The following FOCAD variants were observed in gnomAD, a reference collection of about 807,000 sequenced individuals.
The protein encoded by FOCAD is KIAA1797.
In FOCAD, 198 loss-of-function variants were observed where a neutral mutation model predicts 225.6. The observed-to-expected ratio is 0.88, with a 90% confidence interval of 0.78 to 0.99. The LOEUF (loss-of-function observed/expected upper bound fraction) is 0.99, where lower values mean the gene tolerates loss of function less well. Among genes scored for constraint, FOCAD ranks in the 50% least tolerant of loss-of-function variants. The pLI, the probability that FOCAD is intolerant of heterozygous loss-of-function variation, is 0.00. For synonymous variants in FOCAD, 897 were observed against 755.0 expected (o/e 1.19, Z -3.08); for missense variants, 2,713 against 2,123.6 (o/e 1.28, Z -5.46).
chr9:20,723,227 C>A (rs542964277), intron 4 of FOCAD, among the ~76,000 whole-genome samples: 58 of 152,314 alleles, frequency 3.8e-4, no homozygotes, highest in Non-Finnish European at 8.1e-4. Flanking sequence ...GTGACTCATG[C>A]CCGTAATCCC....
intron 1 of FOCAD, among the ~76,000 whole-genome samples, chr9:20,709,133 T>G (rs1824629632): frequency 6.6e-6 from 1 of 152,196 alleles, no homozygotes; most frequent in Non-Finnish European, 1.5e-5. Context: ...ATAGATTAAT[T>G]TTCTTGGAAG....
Position 20,862,713 on chromosome 9 carries a change from G to A in FOCAD, c.2055+1G>A. On this transcript the variant is annotated splice_donor_variant, in intron 16 of 43. Coordinates refer to ENST00000338382, the MANE Select transcript of FOCAD (RefSeq NM_001375567.1). LOFTEE classifies it high-confidence loss of function. ...AACGGTCAATACAACTGAATATGAGGTATGCATTTGGAGCTCAGCACATTG... is the reference window on the plus strand; with the variant it reads ...AACGGTCAATACAACTGAATATGAGATATGCATTTGGAGCTCAGCACATTG... The A allele has an allele frequency of 6.2e-7, 1 of 1,610,186 alleles. No individual in the cohort carries two copies. Among genetic ancestry groups the A allele is most frequent in the South Asian group, 1.1e-5 (1 of 90,230 alleles).
At chr9:20,697,487 C>G (rs746590323) in intron 1 of FOCAD, among the ~76,000 whole-genome samples, 1 of 152,252 alleles carries the variant, frequency 6.6e-6, no homozygotes, top group Non-Finnish European at 1.5e-5. Flanking sequence ...TGCTGACTTG[C>G]ACTAGCCAAC....
chr9:20,957,211 A>T (rs1838236903), intron 35 of FOCAD, among the ~76,000 whole-genome samples: 1 of 150,114 alleles, frequency 6.7e-6, no homozygotes, highest in Non-Finnish European at 1.5e-5. Flanking sequence ...GTGCAGGTAC[A>T]TACAACCAGG....
chr9:20,788,872 A>G (rs1179183167), intron 10 of FOCAD, among the ~76,000 whole-genome samples: 1 of 152,206 alleles, frequency 6.6e-6, no homozygotes, highest in East Asian at 1.9e-4. Context: ...CAGCTGAACC[A>G]ACTTTGTTCC....
chr9:20,989,250 G>C (rs891404392), intron 41 of FOCAD, among the ~76,000 whole-genome samples: 6 of 152,124 alleles, frequency 3.9e-5, no homozygotes, highest in Admixed American at 6.5e-5. Context: ...TTTAATTTGT[G>C]AGTTTAGGAA....
chr9:20,685,336 A>C (rs10117816), intron 1 of FOCAD, among the ~76,000 whole-genome samples: 1 of 152,028 alleles, frequency 6.6e-6, no homozygotes, highest in African/African-American at 2.4e-5. Flanking sequence ...GATTAGTATA[A>C]TTTTGAGATT....
intron 15 of FOCAD, among the ~76,000 whole-genome samples, chr9:20,841,370 C>T (rs1826510134): frequency 1.3e-5 from 2 of 150,936 alleles, no homozygotes; most frequent in African/African-American, 4.9e-5. Context: ...AGGCCATTTA[C>T]ATCAGTGAAG....
upstream of FOCAD, chr9:20,684,047 A>C (rs946031924): frequency 6.6e-6 from 1 of 152,288 alleles, no homozygotes; most frequent in South Asian, 2.1e-4. Context: ...CCCTCCCCGC[A>C]CCAGCTCGGC....
Position 20,866,917 on chromosome 9 carries a change from T to TTAA in FOCAD, c.2107-12_2107-11insTAA. The stretch of plus-strand genomic sequence containing the variant: ...TTTTTTTTTTTTTTTTTTTTTTTTT[T>TTAA]ACCCTATCTAGGACCCAATTGTAGC... On this transcript the variant is annotated splice_polypyrimidine_tract_variant and intron_variant, in intron 17 of 43. Coordinates refer to ENST00000338382, the MANE Select transcript of FOCAD (RefSeq NM_001375567.1). 6 of 764,960 alleles carry TTAA rather than the reference T, an allele frequency of 7.8e-6. No homozygotes were observed. The highest frequency in any genetic ancestry group is 1.2e-5 in the Non-Finnish European group (6 of 498,458). 47.4% of individuals were successfully genotyped at this position (764,960 alleles called of 1,614,324 possible).
At chr9:20,716,122 T>C (rs768906975) in intron 2 of FOCAD, 2 of 479,556 alleles carry the variant, frequency 4.2e-6, no homozygotes, top group Non-Finnish European at 9.0e-6. Context: ...AGCTGGGTAG[T>C]GGGGAACCCT....
intron 15 of FOCAD, among the ~76,000 whole-genome samples, chr9:20,858,465 C>T (rs1828432426): frequency 2.0e-5 from 3 of 151,904 alleles, no homozygotes; most frequent in Admixed American, 1.3e-4. Flanking sequence ...CCTTTTTCAT[C>T]TCTGATTTTA....
intron 1 of FOCAD, among the ~76,000 whole-genome samples, chr9:20,714,634 G>GCCTT (rs749635014): frequency 2.6e-4 from 31 of 120,100 alleles, no homozygotes; most frequent in Middle Eastern, 4.1e-3. Context: ...CTGCCTGCCT[G>GCCTT]CCTTCCTTCC....
intron 11 of FOCAD, among the ~76,000 whole-genome samples, chr9:20,795,975 C>T (rs186074041): frequency 3.5e-4 from 53 of 151,812 alleles, no homozygotes; most frequent in African/African-American, 1.3e-3. Context: ...TGCCCCCACC[C>T]CACAACAGGC....
chr9:20,948,999 G>A (rs1353145605), intron 32 of FOCAD, 71 bp downstream of exon 32: 3 of 1,396,204 alleles, frequency 2.1e-6, no homozygotes, highest in African/African-American at 1.4e-5. Flanking sequence ...AGAATACCCA[G>A]TGTTTTAGTA....
At chr9:20,813,768 C>T (rs1353357307) in intron 11 of FOCAD, among the ~76,000 whole-genome samples, 1 of 152,060 alleles carries the variant, frequency 6.6e-6, no homozygotes, top group Non-Finnish European at 1.5e-5. Flanking sequence ...TGTTGAAGTG[C>T]TCTGTTTTCT....
chr9:20,972,359 T>C (rs183477334), intron 35 of FOCAD, among the ~76,000 whole-genome samples: 19 of 152,282 alleles, frequency 1.2e-4, no homozygotes, highest in Admixed American at 9.2e-4. Context: ...GATATCTCAT[T>C]GTGGTTTTGA....
rs900609463 is a variant in FOCAD at position 20,887,953 on chromosome 9, G to C, written c.2625+2723G>C. ...TTCCTTAATAACTAATGATGTTGAA[G>C]CATCTTTTCATGTGTTTATTTTGTA... On this transcript the variant is annotated intron_variant, in intron 21 of 43. Coordinates refer to ENST00000338382, the MANE Select transcript of FOCAD (RefSeq NM_001375567.1). Among the ~76,000 whole-genome samples the C allele has an allele frequency of 4.6e-5, 7 of 152,090 alleles. No homozygotes were observed. In the East Asian group the frequency reaches 7.7e-4, roughly 17 times the overall value.
At chr9:20,730,590 A>G (rs1362106883) in intron 4 of FOCAD, among the ~76,000 whole-genome samples, 1 of 152,310 alleles carries the variant, frequency 6.6e-6, no homozygotes, top group Non-Finnish European at 1.5e-5. Flanking sequence ...TGGAATTTAC[A>G]AAGTTTCAAA....
Sources: gnomAD v4.1 joint callset for allele counts (sites outside exome capture counted in the v4.1 genomes callset) on GRCh38, gnomAD v4.1.1 for gene constraint, MANE v1.5 for transcripts, NCBI Gene and HGNC (gene_info 2026-07-23, HGNC 2026-07-21) for gene names.